Variants in TEAD1 observed in about 807,000 individuals in gnomAD.
The protein encoded by TEAD1 is TEA domain transcription factor 1.
TEAD1 carries 9 observed loss-of-function variants against 54.9 expected under a neutral mutation model. That is an observed-to-expected ratio of 0.16 (90% confidence interval 0.10 to 0.29). The LOEUF (loss-of-function observed/expected upper bound fraction) is 0.29. Ranked by LOEUF, TEAD1 falls within the 10% of genes least tolerant of loss-of-function variation. The pLI is 1.00. For missense variants in TEAD1, 387 were observed against 535.9 expected (o/e 0.72, Z 2.74); for synonymous variants, 200 against 187.8 (o/e 1.07, Z -0.53).
intron 2 of TEAD1, among the ~76,000 whole-genome samples, chr11:12,702,918 A>G (rs1392125131): frequency 6.6e-6 from 1 of 152,216 alleles, no homozygotes; most frequent in Non-Finnish European, 1.5e-5. Flanking sequence ...AGGTAGTAAT[A>G]TCAGCCTCAT....
rs550293236 is a variant in TEAD1 at position 12,770,170 on chromosome 11, T to C, written c.202+5736T>C. On this transcript the variant is annotated intron_variant, in intron 3 of 12. Coordinates refer to ENST00000527636, the MANE Select transcript of TEAD1 (RefSeq NM_021961.6). ...GATGAGTAATGGGGAATTTTTGAAA[T>C]AGTTTGGTTCCTGTGAGAATAGCAG... Among the ~76,000 whole-genome samples the C allele has an allele frequency of 1.2e-3, 187 of 152,278 alleles. 1 individual carries two copies. Among genetic ancestry groups the C allele is most frequent in the Non-Finnish European group, 2.0e-3 (136 of 68,032 alleles).
At chr11:12,817,871 T>C (rs1314124401) in intron 3 of TEAD1, among the ~76,000 whole-genome samples, 1 of 152,244 alleles carries the variant, frequency 6.6e-6, no homozygotes, top group Non-Finnish European at 1.5e-5. Context: ...GTTATAATTA[T>C]TTAATGCCCA....
At chr11:12,794,484 G>A (rs1945871227) in intron 3 of TEAD1, among the ~76,000 whole-genome samples, 1 of 152,202 alleles carries the variant, frequency 6.6e-6, no homozygotes, top group African/African-American at 2.4e-5. Context: ...GGTAATCAAG[G>A]GAGATTTGGA....
At chr11:12,683,753 A>G (rs1051812284) in intron 2 of TEAD1, among the ~76,000 whole-genome samples, 1 of 152,190 alleles carries the variant, frequency 6.6e-6, no homozygotes, top group Non-Finnish European at 1.5e-5. Context: ...GCTGTGAGGA[A>G]TTAATTGAAA....
At chr11:12,764,573 A>G (rs1239215959) in intron 3 of TEAD1, 139 bp downstream of exon 3, 2 of 1,015,464 alleles carry the variant, frequency 2.0e-6, no homozygotes, top group Non-Finnish European at 3.0e-6. Context: ...GGTCATCCAA[A>G]GGACTCACCC....
chr11:12,731,184 G>A (rs187855574), intron 2 of TEAD1, among the ~76,000 whole-genome samples: 1 of 152,236 alleles, frequency 6.6e-6, no homozygotes, highest in Admixed American at 6.5e-5. Context: ...TACAGCACAA[G>A]CCTAATTCTG....
chr11:12,934,337 A>G (rs535162534), intron 12 of TEAD1, among the ~76,000 whole-genome samples: 16 of 152,208 alleles, frequency 1.1e-4, no homozygotes, highest in African/African-American at 2.9e-4. Flanking sequence ...GAATTGAACA[A>G]TGAGAACACA....
At chr11:12,707,465 A>C (rs1417396831) in intron 2 of TEAD1, among the ~76,000 whole-genome samples, 1 of 151,924 alleles carries the variant, frequency 6.6e-6, no homozygotes, top group Non-Finnish European at 1.5e-5. Flanking sequence ...TAACTACCTC[A>C]CTCTCAGGCC....
intron 2 of TEAD1, among the ~76,000 whole-genome samples, chr11:12,713,500 A>G (rs1368506772): frequency 2.0e-5 from 3 of 152,208 alleles, no homozygotes; most frequent in Non-Finnish European, 4.4e-5. Context: ...TAGTCATTAG[A>G]TATTAAAAGT....
intron 3 of TEAD1, among the ~76,000 whole-genome samples, chr11:12,854,210 A>ATGAGCCTGTCCTTACACCTAATC (rs1439546979): frequency 3.9e-5 from 6 of 152,124 alleles, no homozygotes; most frequent in Non-Finnish European, 4.4e-5. Flanking sequence ...GCTGTTTTTC[A>ATGAGCCTGTCCTTACACCTAATC]TGAGCCTGTC....
At chr11:12,788,005 C>T (rs1945715286) in intron 3 of TEAD1, among the ~76,000 whole-genome samples, 3 of 148,016 alleles carry the variant, frequency 2.0e-5, no homozygotes, top group Middle Eastern at 3.6e-3. Context: ...TCTTGTCGCT[C>T]AGGCTGGAGT....
chr11:12,679,789 A>G (rs1378725117), intron 2 of TEAD1, among the ~76,000 whole-genome samples: 3 of 152,184 alleles, frequency 2.0e-5, no homozygotes, highest in Admixed American at 2.0e-4. Context: ...AAATTTGAAA[A>G]GTTCATCCAA....
intron 2 of TEAD1, among the ~76,000 whole-genome samples, chr11:12,735,484 C>G (rs960204993): frequency 1.3e-5 from 2 of 151,980 alleles, no homozygotes; most frequent in Non-Finnish European, 2.9e-5. Context: ...AACCAGACCT[C>G]TGTGTCATGC....
intron 3 of TEAD1, among the ~76,000 whole-genome samples, chr11:12,768,487 C>T (rs1945252101): frequency 6.6e-6 from 1 of 152,210 alleles, no homozygotes; most frequent in Non-Finnish European, 1.5e-5. Flanking sequence ...TGCTTTGAAG[C>T]TGGTATTATC....
intron 3 of TEAD1, among the ~76,000 whole-genome samples, chr11:12,843,931 C>T (rs1211828785): frequency 6.6e-6 from 1 of 152,202 alleles, no homozygotes; most frequent in Non-Finnish European, 1.5e-5. Context: ...GCCCATGTTC[C>T]TATTAGATCA....
chr11:12,821,985 A>G (rs1339676929), intron 3 of TEAD1, among the ~76,000 whole-genome samples: 2 of 17,872 alleles, frequency 1.1e-4, no homozygotes, highest in Non-Finnish European at 2.1e-4. Context: ...TTTTTTTGAG[A>G]CAGAGTCTCT....
At chr11:12,874,709 G>A (rs1947819625) in intron 5 of TEAD1, among the ~76,000 whole-genome samples, 2 of 152,076 alleles carry the variant, frequency 1.3e-5, no homozygotes, top group Admixed American at 1.3e-4. Context: ...CAGGTCAGTT[G>A]GACCGTTTGT....
At chr11:12,844,524 T>C (rs546943315) in intron 3 of TEAD1, among the ~76,000 whole-genome samples, 3 of 152,200 alleles carry the variant, frequency 2.0e-5, no homozygotes, top group Non-Finnish European at 2.9e-5. Context: ...ATCAAATCAT[T>C]GGGGGGCAGG....
intron 9 of TEAD1, among the ~76,000 whole-genome samples, chr11:12,889,985 GTGC>G (rs1303283269): frequency 1.3e-5 from 2 of 152,222 alleles, no homozygotes; most frequent in East Asian, 1.9e-4. Context: ...GCCTCCCAAA[GTGC>G]TGGGATTACA....
Sources: allele counts gnomAD v4.1 joint callset (sites outside exome capture counted in the v4.1 genomes callset), GRCh38; gene constraint gnomAD v4.1.1; transcripts MANE v1.5; gene names NCBI Gene and HGNC (gene_info 2026-07-23, HGNC 2026-07-21).